TMTC1: variants seen among roughly 807,000 people sequenced by gnomAD.
TMTC1 encodes the protein transmembrane O-mannosyltransferase targeting cadherins 1.
Under a neutral mutation model 104.8 loss-of-function variants are expected in TMTC1, and 73 were observed. That is an observed-to-expected ratio of 0.70 (90% CI 0.58 to 0.85). The LOEUF is 0.85. Among genes scored for constraint, TMTC1 ranks in the 40% least tolerant of loss-of-function variants. TMTC1 has a pLI of 0.00. For synonymous variants in TMTC1, 434 were observed against 428.7 expected (o/e 1.01, Z -0.15); for missense variants, 1,035 against 1,096.1 (o/e 0.94, Z 0.79).
chr12:29,758,254 C>T (rs892649988), intron 3 of TMTC1, among the ~76,000 whole-genome samples: 1 of 152,130 alleles, frequency 6.6e-6, no homozygotes, highest in Non-Finnish European at 1.5e-5. Flanking sequence ...TCGAGAAATG[C>T]TACTTTATAC....
chr12:29,660,851 G>A (rs1256432771), intron 5 of TMTC1: 3 of 1,504,492 alleles, frequency 2.0e-6, no homozygotes, highest in African/African-American at 2.8e-5. Context: ...CTCATGGTAA[G>A]CAGGAAATTT....
At chr12:29,630,234 A>T (rs1027599298) in intron 6 of TMTC1, among the ~76,000 whole-genome samples, 1 of 152,236 alleles carries the variant, frequency 6.6e-6, no homozygotes, top group African/African-American at 2.4e-5. Flanking sequence ...TAAAGAAAAC[A>T]GGTTTAATTG....
chr12:29,538,216 A>G (rs529140070), intron 10 of TMTC1, among the ~76,000 whole-genome samples: 117 of 152,324 alleles, frequency 7.7e-4, no homozygotes, highest in Non-Finnish European at 1.5e-3. Flanking sequence ...GTGGACATTT[A>G]AAGAGTACCC....
chr12:29,614,625 TG>T (rs1327370862), intron 6 of TMTC1, among the ~76,000 whole-genome samples: 3 of 152,162 alleles, frequency 2.0e-5, no homozygotes, highest in Non-Finnish European at 4.4e-5. Context: ...TTTCAGAGCA[TG>T]GGAGATGCAT....
chr12:29,780,568 G>T (rs1412160214), intron 1 of TMTC1, among the ~76,000 whole-genome samples: 1 of 152,156 alleles, frequency 6.6e-6, no homozygotes, highest in East Asian at 1.9e-4. Context: ...CCTTGGGATG[G>T]AATTGTTCCG....
chr12:29,597,631 A>T (rs1372553975), intron 7 of TMTC1, among the ~76,000 whole-genome samples: 1 of 152,142 alleles, frequency 6.6e-6, no homozygotes, highest in Non-Finnish European at 1.5e-5. Context: ...AAATGTGAAA[A>T]AAAAAAAAAG....
Position 29,610,061 on chromosome 12 carries a change from T to A in TMTC1, c.1129-5762A>T, listed in dbSNP as rs145512643. The A allele has an allele frequency of 8.3e-4, 127 of 152,396 alleles. 5 individuals carry two copies. The highest frequency in any genetic ancestry group is 2.5e-3 in the African/African-American group (102 of 41,576). The allele number at this position is 152,396 out of a possible 1,614,324, so 9.4% of individuals were successfully genotyped here. ...CTATTGCCCGTGGCTTCTCTAATAC[T>A]ACCCACATCACCGGAAATGGTCCTT... On this transcript the variant is annotated intron_variant, in intron 6 of 17. Transcript: ENST00000539277.
chr12:29,735,915 A>T (rs1314766559), intron 5 of TMTC1, among the ~76,000 whole-genome samples: 1 of 152,210 alleles, frequency 6.6e-6, no homozygotes, highest in Non-Finnish European at 1.5e-5. Context: ...TGGGAAAAGT[A>T]GTTCTCTCTG....
chr12:29,613,116 T>C (rs1454966998), intron 6 of TMTC1, among the ~76,000 whole-genome samples: 2 of 152,238 alleles, frequency 1.3e-5, no homozygotes, highest in Non-Finnish European at 2.9e-5. Flanking sequence ...TGATCATCAC[T>C]GAATCTTGTA....
chr12:29,520,968 TG>T (rs1309425752), intron 11 of TMTC1: 4 of 422,316 alleles, frequency 9.5e-6, no homozygotes, highest in Non-Finnish European at 1.7e-5. Flanking sequence ...TTTTCTCAAA[TG>T]GGACCTTTGG....
chr12:29,649,434 A>G (rs1453692007), intron 5 of TMTC1, among the ~76,000 whole-genome samples: 2 of 152,248 alleles, frequency 1.3e-5, no homozygotes, highest in East Asian at 3.8e-4. Flanking sequence ...ACTAAAGGAG[A>G]GAGGAGGTAA....
chr12:29,572,067 A>C, intron 9 of TMTC1, 38 bp downstream of exon 9: 1 of 1,538,132 alleles, frequency 6.5e-7, no homozygotes, highest in South Asian at 1.1e-5. Flanking sequence ...ACGGTCTTTA[A>C]AGCACCAAGG....
At chr12:29,641,296 A>G (rs1486157006) in intron 5 of TMTC1, 4 of 152,428 alleles carry the variant, frequency 2.6e-5, no homozygotes, top group African/African-American at 9.7e-5. Flanking sequence ...GCACAAAAAT[A>G]GAGCATTAAA....
chr12:29,595,285 G>A (rs1946377901), intron 7 of TMTC1, among the ~76,000 whole-genome samples: 1 of 152,084 alleles, frequency 6.6e-6, no homozygotes, highest in Admixed American at 6.6e-5. Context: ...TGTACCCTTG[G>A]CCAAGCACAA....
chr12:29,569,030 A>G (rs1447961233), intron 9 of TMTC1: 1 of 455,298 alleles, frequency 2.2e-6, no homozygotes, highest in Non-Finnish European at 4.4e-6. Context: ...AGCAAAGCAA[A>G]GCTAACACTT....
Position 29,586,648 on chromosome 12 carries a change from T to C in TMTC1, c.1251-3074A>G, listed in dbSNP as rs560987925. ...TATTGAGAGTTTTTAGCATGAAGGG[T>C]TGTTGAATTTTGTCAAAGGCCTTTT... On this transcript the variant is annotated intron_variant, in intron 7 of 17. Coordinates refer to ENST00000539277, the MANE Select transcript of TMTC1 (RefSeq NM_001193451.2). Among the ~76,000 whole-genome samples, 70 of 151,434 alleles carry C rather than the reference T, an allele frequency of 4.6e-4. 1 individual carries two copies. The highest frequency in any genetic ancestry group is 1.4e-3 in the African/African-American group (59 of 41,018).
chr12:29,660,660 A>C, intron 5 of TMTC1: 1 of 271,332 alleles, frequency 3.7e-6, no homozygotes, highest in Non-Finnish European at 6.5e-6. Flanking sequence ...ACGGCATGCC[A>C]ACTGTTTGAT....
At chr12:29,595,069 C>T (rs1406662501) in intron 7 of TMTC1, among the ~76,000 whole-genome samples, 2 of 152,232 alleles carry the variant, frequency 1.3e-5, no homozygotes, top group African/African-American at 4.8e-5. Context: ...ACACTTCTCA[C>T]ATGTATTATT....
chr12:29,514,908 G>T (rs556109896), intron 15 of TMTC1, among the ~76,000 whole-genome samples: 28 of 152,202 alleles, frequency 1.8e-4, no homozygotes, highest in Admixed American at 1.3e-3. Context: ...CGGCTACTGG[G>T]GGGGCTGAGA....
Sources: allele counts gnomAD v4.1 joint callset (sites outside exome capture counted in the v4.1 genomes callset), GRCh38; gene constraint gnomAD v4.1.1; transcripts MANE v1.5; gene names NCBI Gene and HGNC (gene_info 2026-07-23, HGNC 2026-07-21).